Variants in KIF18A observed in about 807,000 individuals in gnomAD.
KIF18A encodes the protein kinesin family member 18A.
In KIF18A, 67 loss-of-function variants were observed where a neutral mutation model predicts 103.3. The ratio of observed to expected loss-of-function variants is 0.65; its 90% CI spans 0.53 to 0.79. KIF18A has a LOEUF of 0.79. Among genes scored for constraint, KIF18A ranks in the 30% least tolerant of loss-of-function variants. The pLI, the probability that KIF18A is intolerant of heterozygous loss-of-function variation, is 0.00. For synonymous variants in KIF18A, 367 were observed against 355.5 expected (o/e 1.03, Z -0.36); for missense variants, 1,032 against 1,062.5 (o/e 0.97, Z 0.40).
Position 28,084,655 on chromosome 11 carries a change from G to T in KIF18A, c.1051C>A (p.Arg351=). The change falls in exon 7 of 17, where the codon CGG becomes AGG. Residue 351 remains arginine (R), a synonymous_variant. Transcript: ENST00000263181. The part of the protein sequence containing the change: ...DTYNTLKYAN[R]AKDIKSSLKS... Reference sequence around the variant, plus strand: ...ACAGAAGATTTAATGTCCTTTGCCCGGTTAGCATACTTAAGAGTGTTATAT... The same window carrying T: ...ACAGAAGATTTAATGTCCTTTGCCCTGTTAGCATACTTAAGAGTGTTATAT... 6.2e-7 allele frequency: 1 copy of T among 1,610,968 alleles called. No homozygotes were observed. The highest frequency in any genetic ancestry group is 8.5e-7 in the Non-Finnish European group (1 of 1,177,848).
intron 6 of KIF18A, 79 bp from the exon 7 acceptor site, chr11:28,084,887 G>T (rs146711050): frequency 2.6e-5 from 28 of 1,097,048 alleles, no homozygotes; most frequent in Admixed American, 2.0e-4. Flanking sequence ...ACTTCACTGT[G>T]GGGGGAGGAT....
chr11:28,040,478 C>T (rs1229550551), intron 13 of KIF18A, among the ~76,000 whole-genome samples: 1 of 151,620 alleles, frequency 6.6e-6, no homozygotes, highest in Non-Finnish European at 1.5e-5. Context: ...AACTTGGAGG[C>T]AGATTATAAT....
intron 13 of KIF18A, among the ~76,000 whole-genome samples, chr11:28,056,378 A>G (rs1850781033): frequency 6.6e-6 from 1 of 152,136 alleles, no homozygotes; most frequent in Admixed American, 6.5e-5. Context: ...CTGAAAAAAG[A>G]AAGTAAACTG....
Position 28,036,453 on chromosome 11 carries a change from T to C in KIF18A, c.2160A>G (p.Val720=). 3 of 1,610,974 alleles carry C rather than the reference T, an allele frequency of 1.9e-6. No homozygotes were observed. The highest frequency in any genetic ancestry group is 2.5e-6 in the Non-Finnish European group (3 of 1,177,966). ...TAAATGATGATGGTTTCATTAAGGT[T>C]ACTGTAGACGGATTTTGAAAAGCTT... ...CRKAFQNPST[V]TLMKPSSFTT... Residue 720 remains valine, a synonymous_variant, in exon 14 of 17, where the codon GTA becomes GTG. Transcript: ENST00000263181.
intron 13 of KIF18A, among the ~76,000 whole-genome samples, chr11:28,037,433 T>C (rs1027965538): frequency 2.0e-5 from 3 of 151,524 alleles, no homozygotes; most frequent in Non-Finnish European, 4.4e-5. Flanking sequence ...GCATTTGTAT[T>C]GTATTAGGTA....
At chr11:28,085,851 C>A (rs1851221458) in intron 6 of KIF18A, among the ~76,000 whole-genome samples, 1 of 152,168 alleles carries the variant, frequency 6.6e-6, no homozygotes, top group Non-Finnish European at 1.5e-5. Flanking sequence ...CTTGACCCTA[C>A]ACTTCACTAT....
chr11:28,059,197 T>C, intron 12 of KIF18A, 36 bp from the exon 13 acceptor site: 2 of 1,357,668 alleles, frequency 1.5e-6, no homozygotes, highest in Non-Finnish European at 2.1e-6. Context: ...GAGAGATAAA[T>C]ATGACATTTT....
Position 28,077,078 on chromosome 11 carries a change from G to T in KIF18A, c.1354C>A (p.Leu452Ile). The change falls in exon 10 of 17, where the codon CTT (leucine) becomes ATT (isoleucine). Residue 452 changes from leucine to isoleucine, a missense_variant. Coordinates refer to ENST00000263181, the MANE Select transcript of KIF18A (RefSeq NM_031217.4). ...KLEMLLKENELKSFYQQQCHK... is the reference protein window; with the variant it reads ...KLEMLLKENEIKSFYQQQCHK... ...CACTGTTGTTGGTAGAATGATTTAA[G>T]TTCATTTTCTTTAAGTAACATTTCC... 6.3e-7 allele frequency: 1 copy of T among 1,577,444 alleles called. No individual in the cohort carries two copies. Among genetic ancestry groups the T allele is most frequent in the Non-Finnish European group, 8.6e-7 (1 of 1,164,264 alleles).
chr11:28,090,694 C>G lies in KIF18A; in HGVS notation c.622G>C (p.Asp208His), dbSNP rs1440244878. Residue 208 changes from aspartate to histidine, a missense_variant, in exon 5 of 17, where the codon GAT becomes CAT. Asp to His is a moderately conservative substitution (Grantham distance 81). Transcript: ENST00000263181. ...KSSEEILHLL[D>H]NGNKNRTQHP... The stretch of plus-strand genomic sequence containing the variant: ...TGTGTCCTGTTTTTGTTTCCATTAT[C>G]CAATAAATGTAAAATTTCTTCTGAG... 6.2e-7 allele frequency: 1 copy of G among 1,606,412 alleles called. No homozygotes were observed. Among genetic ancestry groups the G allele is most frequent in the East Asian group, 2.2e-5 (1 of 44,590 alleles).
chr11:28,055,548 C>A (rs1261210788), intron 13 of KIF18A, among the ~76,000 whole-genome samples: 1 of 152,130 alleles, frequency 6.6e-6, no homozygotes, highest in Admixed American at 6.5e-5. Flanking sequence ...TGTAAATCTT[C>A]CTTGCTTTGA....
Position 28,097,797 on chromosome 11 carries a change from C to T in KIF18A, c.151G>A (p.Val51Ile). The change falls in exon 2 of 17, where the codon GTC becomes ATC. Residue 51 changes from valine to isoleucine, a missense_variant. Val to Ile is a conservative substitution (Grantham distance 29, BLOSUM62 3). Transcript: ENST00000263181. ...ILVFDPKQEE[V>I]SFFHGKKTTN... is the part of the protein sequence containing the mutation. Reference sequence around the variant, plus strand: ...GTTTTCTTTCCATGGAAAAAACTGACTTCTTCTTGTTTGGGATCAAAAACT... The same window carrying T: ...GTTTTCTTTCCATGGAAAAAACTGATTTCTTCTTGTTTGGGATCAAAAACT... The T allele has an allele frequency of 6.2e-7, 1 of 1,613,282 alleles. No individual in the cohort carries two copies. Among genetic ancestry groups the T allele is most frequent in the Non-Finnish European group, 8.5e-7 (1 of 1,179,500 alleles).
chr11:28,063,438 A>G (rs564675924), intron 11 of KIF18A, among the ~76,000 whole-genome samples: 1 of 152,082 alleles, frequency 6.6e-6, no homozygotes, highest in East Asian at 1.9e-4. Flanking sequence ...ACAAGACTTG[A>G]GACCCACTCT....
chr11:28,097,540 A>G (rs1248272891), intron 2 of KIF18A, 83 bp downstream of exon 2: 2 of 895,000 alleles, frequency 2.2e-6, no homozygotes, highest in East Asian at 4.8e-5. Flanking sequence ...ATTTGATTAT[A>G]TTTAGAAGGG....
In KIF18A at chr11:28,036,323, C is replaced by A; in HGVS notation, c.2290G>T (p.Glu764Ter). The A allele has an allele frequency of 6.2e-7, 1 of 1,610,674 alleles. No homozygotes were observed. Among genetic ancestry groups the A allele is most frequent in the Non-Finnish European group, 8.5e-7 (1 of 1,177,740 alleles). ...PHNRRKECGQEDLDSTFTICE... is the reference protein window; with the variant it reads ...PHNRRKECGQ The stretch of plus-strand genomic sequence containing the variant: ...ATAGTAAATGTAGAGTCCAAGTCCT[C>A]CTGTCCACATTCTTTTCTTCTATTA... Residue 764 changes from glutamate to a stop codon, truncating the protein, a stop_gained, in exon 14 of 17, where the codon GAG (glutamate) becomes TAG (stop). Transcript: ENST00000263181. LOFTEE classifies it high-confidence loss of function.
intron 2 of KIF18A, among the ~76,000 whole-genome samples, chr11:28,097,124 G>A (rs1386340786): frequency 6.6e-6 from 1 of 152,132 alleles, no homozygotes; most frequent in East Asian, 1.9e-4. Flanking sequence ...CAGGTAAGGA[G>A]TGTAGTACCC....
intron 9 of KIF18A, among the ~76,000 whole-genome samples, chr11:28,080,272 G>A (rs1450506637): frequency 1.3e-5 from 2 of 150,550 alleles, no homozygotes; most frequent in Non-Finnish European, 3.0e-5. Context: ...AATATAAAGA[G>A]AAATCACTGA....
chr11:28,086,419 G>C (rs1277483396), intron 6 of KIF18A, among the ~76,000 whole-genome samples: 1 of 152,070 alleles, frequency 6.6e-6, no homozygotes, highest in African/African-American at 2.4e-5. Flanking sequence ...AAAAGTAAAA[G>C]TAACAAATAA....
At chr11:28,084,589 G>A (rs756553027) in intron 7 of KIF18A, 43 bp downstream of exon 7, 14 of 1,410,550 alleles carry the variant, frequency 9.9e-6, no homozygotes, top group Middle Eastern at 1.8e-4. Context: ...AAAATCATAT[G>A]CAGACAATAC....
Position 28,097,724 on chromosome 11 carries a change from A to G in KIF18A, c.224T>C (p.Val75Ala). 1 of 1,610,946 alleles carries G rather than the reference A, an allele frequency of 6.2e-7. No individual in the cohort carries two copies. Among genetic ancestry groups the G allele is most frequent in the Non-Finnish European group, 8.5e-7 (1 of 1,177,666 alleles). Residue 75 changes from valine to alanine, a missense_variant, in exon 2 of 17, where the codon GTA becomes GCA. Coordinates refer to ENST00000263181, the MANE Select transcript of KIF18A (RefSeq NM_031217.4). ...IKKQNKDLKF[V>A]FDAVFDETST... ...CGTTTCATCAAAAACAGCATCAAAT[A>G]CAAATTTAAGATCCTTATTTTGTTT...
Sources: gnomAD v4.1 joint callset for allele counts (sites outside exome capture counted in the v4.1 genomes callset) on GRCh38, gnomAD v4.1.1 for gene constraint, MANE v1.5 for transcripts, NCBI Gene and HGNC (gene_info 2026-07-23, HGNC 2026-07-21) for gene names.